EMB: variants seen among roughly 807,000 people sequenced by gnomAD.
The protein encoded by EMB is embigin.
Under a neutral mutation model 41.4 loss-of-function variants are expected in EMB, and 31 were observed. That is an observed-to-expected ratio of 0.75 (90% confidence interval 0.56 to 1.01). The LOEUF (loss-of-function observed/expected upper bound fraction) is 1.01, where lower values mean the gene tolerates loss of function less well. Among genes scored for constraint, EMB ranks in the 50% least tolerant of loss-of-function variants. The pLI, the probability that EMB is intolerant of heterozygous loss-of-function variation, is 0.00. For synonymous variants in EMB, 137 were observed against 140.4 expected (o/e 0.98, Z 0.17); for missense variants, 379 against 388.3 (o/e 0.98, Z 0.20).
At chr5:50,415,665 G>C (rs1210472535) in intron 2 of EMB, among the ~76,000 whole-genome samples, 1 of 152,146 alleles carries the variant, frequency 6.6e-6, no homozygotes, top group Non-Finnish European at 1.5e-5. Flanking sequence ...TTTTGTCTAA[G>C]ATTACACATC....
intron 1 of EMB, among the ~76,000 whole-genome samples, chr5:50,433,036 T>A (rs1745747433): frequency 6.6e-6 from 1 of 151,650 alleles, no homozygotes; most frequent in South Asian, 2.1e-4. Flanking sequence ...TGAGATCGCA[T>A]CACTGCACTC....
At chr5:50,408,565 TG>T (rs938171500) in intron 4 of EMB, among the ~76,000 whole-genome samples, 8 of 152,200 alleles carry the variant, frequency 5.3e-5, no homozygotes, top group Middle Eastern at 3.4e-3. Context: ...TGAATTGTTC[TG>T]AAGACTCAGG....
rs1463507906 is a variant in EMB, at chr5:50,441,175, C to T, written c.-24G>A. Reference sequence around the variant, plus strand: ...ATGGCGCCAGAGGGTCCGCCTGGGTCCTCGTGGAGACTGCTCCCTCAGCTC... The same window carrying T: ...ATGGCGCCAGAGGGTCCGCCTGGGTTCTCGTGGAGACTGCTCCCTCAGCTC... On this transcript the variant is annotated 5_prime_UTR_variant, in exon 1 of 9. Transcript: ENST00000303221. The T allele has an allele frequency of 1.6e-5, 22 of 1,401,984 alleles. No individual in the cohort carries two copies. The highest frequency in any genetic ancestry group is 1.9e-5 in the Non-Finnish European group (20 of 1,065,368). 86.8% of individuals were successfully genotyped at this position (1,401,984 alleles called of 1,614,324 possible). A position where few individuals can be genotyped will look rare whatever the true frequency, so the allele number is the denominator to read the frequency against.
intron 1 of EMB, among the ~76,000 whole-genome samples, chr5:50,431,352 G>A (rs953352380): frequency 3.3e-5 from 5 of 152,180 alleles, no homozygotes; most frequent in African/African-American, 9.7e-5. Flanking sequence ...AAACCTTATT[G>A]CTTTCAGTTG....
chr5:50,409,956 T>C lies in EMB; in HGVS notation c.472+921A>G, dbSNP rs148064732. On this transcript the variant is annotated intron_variant, in intron 4 of 8. Transcript: ENST00000303221. ...CATAAAAATAAAATGACTCTGTGAG[T>C]GCAGAAGGGATGCAATGAGGGACAC... Among the ~76,000 whole-genome samples the C allele has an allele frequency of 5.2e-3, 798 of 152,150 alleles. 7 individuals carry two copies. Among genetic ancestry groups the C allele is most frequent in the Non-Finnish European group, 8.2e-3 (555 of 67,980 alleles).
intron 2 of EMB, among the ~76,000 whole-genome samples, chr5:50,413,081 C>A (rs1441501454): frequency 1.3e-5 from 2 of 152,188 alleles, no homozygotes; most frequent in Admixed American, 1.3e-4. Flanking sequence ...CGCACACACA[C>A]ACACTTAGGG....
chr5:50,409,810 TAAG>T (rs1745305937), intron 4 of EMB, among the ~76,000 whole-genome samples: 1 of 152,032 alleles, frequency 6.6e-6, no homozygotes, highest in South Asian at 2.1e-4. Context: ...GGAAAAAAGT[TAAG>T]AAAGAATATA....
chr5:50,438,100 T>G (rs1251565122), intron 1 of EMB, among the ~76,000 whole-genome samples: 1 of 152,170 alleles, frequency 6.6e-6, no homozygotes, highest in Admixed American at 6.5e-5. Flanking sequence ...TCATAGACAT[T>G]TCCAATTAGC....
chr5:50,424,199 G>T (rs1453792394), intron 2 of EMB, among the ~76,000 whole-genome samples: 1 of 152,074 alleles, frequency 6.6e-6, no homozygotes, highest in East Asian at 1.9e-4. Context: ...TGTGTACATT[G>T]CTATATATTT....
intron 2 of EMB, among the ~76,000 whole-genome samples, chr5:50,422,326 G>A (rs2111829818): frequency 6.6e-6 from 1 of 152,236 alleles, no homozygotes; most frequent in Non-Finnish European, 1.5e-5. Flanking sequence ...ATTAGGTGTA[G>A]GTGTTATTCG....
At chr5:50,431,529 G>A (rs950349071) in intron 1 of EMB, among the ~76,000 whole-genome samples, 10 of 152,214 alleles carry the variant, frequency 6.6e-5, no homozygotes, top group African/African-American at 2.4e-4. Context: ...TCCAAATTCT[G>A]TCACTGACTG....
At chr5:50,427,723 TG>T (rs1745643101) in intron 2 of EMB, among the ~76,000 whole-genome samples, 1 of 152,098 alleles carries the variant, frequency 6.6e-6, no homozygotes, top group Admixed American at 6.5e-5. Flanking sequence ...TGGAGTTCCT[TG>T]CTTGCTTCTC....
At chr5:50,412,257 G>GACACACACAC (rs59853245) in intron 2 of EMB, among the ~76,000 whole-genome samples, 3 of 141,654 alleles carry the variant, frequency 2.1e-5, no homozygotes, top group Non-Finnish European at 4.5e-5. Flanking sequence ...CACACACACA[G>GACACACACAC]ACACACACAC....
At position 50,441,195 on chromosome 5, in the gene EMB, C is replaced by T; in HGVS notation, c.-44G>A. On this transcript the variant is annotated 5_prime_UTR_variant, in exon 1 of 9. Transcript: ENST00000303221. ...TGGGTCCTCGTGGAGACTGCTCCCT[C>T]AGCTCGCCGCCGCGGGTGTCCAGAG... 1.3e-5 allele frequency: 16 copies of T among 1,225,026 alleles called. No individual in the cohort carries two copies. Among genetic ancestry groups the T allele is most frequent in the Non-Finnish European group, 1.7e-5 (16 of 942,504 alleles). The allele number at this position is 1,225,026 out of a possible 1,614,324, so 75.9% of individuals were successfully genotyped here. A position where few individuals can be genotyped will look rare whatever the true frequency, so the allele number is the denominator to read the frequency against.
intron 1 of EMB, among the ~76,000 whole-genome samples, chr5:50,431,995 T>C (rs1442195871): frequency 6.6e-6 from 1 of 152,234 alleles, no homozygotes; most frequent in African/African-American, 2.4e-5. Flanking sequence ...TTTATTCTAT[T>C]AACACTTTCA....
intron 2 of EMB, among the ~76,000 whole-genome samples, chr5:50,420,715 C>T (rs949925649): frequency 5.9e-5 from 9 of 152,150 alleles, no homozygotes; most frequent in East Asian, 3.8e-4. Flanking sequence ...CCACTGTAAA[C>T]GAGGCTTTCA....
chr5:50,428,056 C>T (rs1259673409), intron 2 of EMB, 88 bp downstream of exon 2: 5 of 885,772 alleles, frequency 5.6e-6, no homozygotes, highest in Non-Finnish European at 5.4e-6. Context: ...ATTACCACTT[C>T]GCAAAGCAAA....
At chr5:50,424,438 TAGAG>T (rs1392759956) in intron 2 of EMB, among the ~76,000 whole-genome samples, 1 of 152,146 alleles carries the variant, frequency 6.6e-6, no homozygotes, top group Admixed American at 6.5e-5. Flanking sequence ...ACTCCATTCT[TAGAG>T]AGAGGAAGGA....
At chr5:50,431,599 T>A (rs1484886525) in intron 1 of EMB, among the ~76,000 whole-genome samples, 2 of 152,156 alleles carry the variant, frequency 1.3e-5, no homozygotes, top group Admixed American at 6.6e-5. Context: ...ATGTCTCCAC[T>A]GTAAACCTCA....
Sources: gnomAD v4.1 joint callset for allele counts (sites outside exome capture counted in the v4.1 genomes callset) on GRCh38, gnomAD v4.1.1 for gene constraint, MANE v1.5 for transcripts, NCBI Gene and HGNC (gene_info 2026-07-23, HGNC 2026-07-21) for gene names.